Variants in EXOC2 observed in about 807,000 individuals in gnomAD.
The protein encoded by EXOC2 is exocyst complex component 2.
Under a neutral mutation model 131.8 loss-of-function variants are expected in EXOC2, and 70 were observed. The ratio of observed to expected loss-of-function variants is 0.53; its 90% confidence interval spans 0.44 to 0.65. The LOEUF is 0.65. Ranked by LOEUF, EXOC2 falls within the 30% of genes least tolerant of loss-of-function variation. EXOC2 has a pLI of 0.00. For missense variants in EXOC2, 923 were observed against 1,108.6 expected, an observed-to-expected ratio of 0.83 and a Z score of 2.38; for synonymous variants, 411 against 398.4, an observed-to-expected ratio of 1.03 and a Z score of -0.38.
chr6:492,919 T>C (rs1763520326), intron 25 of EXOC2, among the ~76,000 whole-genome samples: 1 of 152,208 alleles, frequency 6.6e-6, no homozygotes, highest in South Asian at 2.1e-4. Context: ...AAATATTTCA[T>C]AAAAGTTTTA....
At chr6:567,976 G>A (rs1021681687) in intron 13 of EXOC2, among the ~76,000 whole-genome samples, 20 of 152,222 alleles carry the variant, frequency 1.3e-4, no homozygotes, top group Non-Finnish European at 7.3e-5. Context: ...AGCAGAGGTT[G>A]GAGAGCTTTG....
chr6:555,953 C>T lies in EXOC2; in HGVS notation c.1992+1G>A. ...TCAGCATTACTGCTTTCTATTATTA[C>T]CTGCATTATATTGATGCTTAGCTGG... On this transcript the variant is annotated splice_donor_variant, in intron 19 of 27. Coordinates refer to ENST00000230449, the MANE Select transcript of EXOC2 (RefSeq NM_018303.6). LOFTEE classifies it high-confidence loss of function. 1 of 1,613,814 alleles carries T rather than the reference C, an allele frequency of 6.2e-7. No homozygotes were observed. Among genetic ancestry groups the T allele is most frequent in the Non-Finnish European group, 8.5e-7 (1 of 1,179,892 alleles).
At chr6:555,078 G>T in intron 20 of EXOC2, 149 bp downstream of exon 20, 1 of 424,202 alleles carries the variant, frequency 2.4e-6, no homozygotes. Flanking sequence ...AAAGAATATA[G>T]GTCGAATATA....
rs148117789 is a variant in EXOC2 at position 603,442 on chromosome 6, T to C, written c.743-4217A>G. On this transcript the variant is annotated intron_variant, in intron 7 of 27. Transcript: ENST00000230449. ...ACTATGCCTGACACTCTGTGTGGAG[T>C]AGATGGAACTGAGGAAAGAGCTGAC... Among the ~76,000 whole-genome samples, 8 of 152,068 alleles carry C rather than the reference T, an allele frequency of 5.3e-5. No individual in the cohort carries two copies. The East Asian group carries it at 1.2e-3, about 22-fold the overall frequency.
intron 4 of EXOC2, among the ~76,000 whole-genome samples, chr6:625,915 C>T (rs781500315): frequency 1.3e-5 from 2 of 150,044 alleles, no homozygotes; most frequent in Non-Finnish European, 3.0e-5. Flanking sequence ...TGCCCCTGCG[C>T]CCATATACAG....
At chr6:638,028 T>A (rs1379123896) in intron 1 of EXOC2, among the ~76,000 whole-genome samples, 167 bp from the exon 2 acceptor site, 1 of 152,144 alleles carries the variant, frequency 6.6e-6, no homozygotes, top group African/African-American at 2.4e-5. Flanking sequence ...TACTGAACAT[T>A]AAGTTACTAA....
chr6:627,996 A>C (rs1345172094), intron 4 of EXOC2, among the ~76,000 whole-genome samples: 1 of 152,252 alleles, frequency 6.6e-6, no homozygotes, highest in African/African-American at 2.4e-5. Context: ...CATTAAACAA[A>C]AACTTTTCCT....
At position 555,291 on chromosome 6, in the gene EXOC2, A is replaced by C; in HGVS notation, c.1993-3T>G. 6.6e-7 allele frequency: 1 copy of C among 1,523,174 alleles called. No individual in the cohort carries two copies. Among genetic ancestry groups the C allele is most frequent in the Non-Finnish European group, 8.9e-7 (1 of 1,120,630 alleles). The allele number at this position is 1,523,174 out of a possible 1,614,324, so 94.4% of individuals were successfully genotyped here. Reference sequence around the variant, plus strand: ...TGTTCCAGACAGTATATAAAAACCTAAGTGAAAACATAAGTTTCAGAACTC... The same window carrying C: ...TGTTCCAGACAGTATATAAAAACCTCAGTGAAAACATAAGTTTCAGAACTC... On this transcript the variant is annotated splice_region_variant and splice_polypyrimidine_tract_variant and intron_variant, in intron 19 of 27. Transcript: ENST00000230449.
chr6:515,142 T>C (rs1408541253), intron 23 of EXOC2, among the ~76,000 whole-genome samples: 1 of 152,188 alleles, frequency 6.6e-6, no homozygotes, highest in Non-Finnish European at 1.5e-5. Context: ...GCAGGAATAC[T>C]TGGAATACAC....
intron 1 of EXOC2, among the ~76,000 whole-genome samples, chr6:665,789 G>A (rs762834583): frequency 6.6e-6 from 1 of 151,970 alleles, no homozygotes; most frequent in Non-Finnish European, 1.5e-5. Flanking sequence ...GGAAGAGGGG[G>A]AGGGGGTTGA....
intron 1 of EXOC2, among the ~76,000 whole-genome samples, chr6:686,705 A>G (rs749622451): frequency 2.0e-5 from 3 of 152,232 alleles, no homozygotes. Flanking sequence ...TTATTCCCCC[A>G]GGAACCATAA....
At chr6:499,023 G>T (rs1208782703) in intron 24 of EXOC2, among the ~76,000 whole-genome samples, 3 of 152,196 alleles carry the variant, frequency 2.0e-5, no homozygotes, top group African/African-American at 7.2e-5. Context: ...CCTCAGAAGA[G>T]TCCTCCTAAC....
intron 10 of EXOC2, among the ~76,000 whole-genome samples, chr6:594,399 C>T (rs1408046593): frequency 6.6e-6 from 1 of 152,194 alleles, no homozygotes; most frequent in Non-Finnish European, 1.5e-5. Flanking sequence ...CCTAAATAGG[C>T]TTGTTTTGCC....
intron 1 of EXOC2, among the ~76,000 whole-genome samples, chr6:690,426 C>T (rs1221249751): frequency 1.3e-5 from 2 of 152,138 alleles, no homozygotes; most frequent in African/African-American, 4.8e-5. Context: ...TTCATAATTT[C>T]CCGGCCCGGC....
chr6:639,615 A>G (rs1158113673), intron 1 of EXOC2, among the ~76,000 whole-genome samples: 1 of 152,190 alleles, frequency 6.6e-6, no homozygotes, highest in Non-Finnish European at 1.5e-5. Flanking sequence ...AAAGATCCTG[A>G]CACCTGAGTG....
At position 629,869 on chromosome 6, in the gene EXOC2, G is replaced by C. The variant is rs752136385; in HGVS notation, c.388C>G (p.Arg130Gly). The change falls in exon 4 of 28, where the codon CGT becomes GGT. Residue 130 changes from arginine (R) to glycine (G), a missense_variant. Transcript: ENST00000230449. ...RNKGIPPLSLRPANPLGIEIE... is the reference protein window; with the variant it reads ...RNKGIPPLSLGPANPLGIEIE... ...TCAATGCCAAGCGGGTTAGCAGGAC[G>C]TAAGGACAAGGGCGGAATTCCTTTG... 1.2e-6 allele frequency: 2 copies of C among 1,614,048 alleles called. No homozygotes were observed. Among genetic ancestry groups the C allele is most frequent in the African/African-American group, 1.3e-5 (1 of 75,042 alleles).
At chr6:649,107 C>T (rs1230979883) in intron 1 of EXOC2, among the ~76,000 whole-genome samples, 1 of 152,138 alleles carries the variant, frequency 6.6e-6, no homozygotes, top group Admixed American at 6.5e-5. Context: ...GCATTACTGC[C>T]TCCAATTTCT....
chr6:620,566 C>T lies in EXOC2; in HGVS notation c.423-1023G>A, dbSNP rs181036330. 9.2e-5 allele frequency among the ~76,000 whole-genome samples: 14 copies of T among 152,250 alleles called. No homozygotes were observed. In the East Asian group the frequency reaches 2.1e-3, roughly 23 times the overall value. On this transcript the variant is annotated intron_variant, in intron 4 of 27. Transcript: ENST00000230449. ...TAGGGTAGTATCTCTTTAACAGTTA[C>T]GCAGTGGGGAAAACACTCCTACCCC...
rs569112904 is a variant in EXOC2 at position 557,498 on chromosome 6, G to A, written c.1852-934C>T. On this transcript the variant is annotated intron_variant, in intron 17 of 27. Coordinates refer to ENST00000230449, the MANE Select transcript of EXOC2 (RefSeq NM_018303.6). ...CCAGGCGTGGTGGCACGCGCCTGTA[G>A]TCCCAGCTACTCGGGAGGCTGAGAC... 3.3e-5 allele frequency among the ~76,000 whole-genome samples: 5 copies of A among 151,322 alleles called. No individual in the cohort carries two copies. In the South Asian group the frequency reaches 6.3e-4, roughly 19 times the overall value.
Sources: gnomAD v4.1 joint callset for allele counts (sites outside exome capture counted in the v4.1 genomes callset) on GRCh38, gnomAD v4.1.1 for gene constraint, MANE v1.5 for transcripts, NCBI Gene and HGNC (gene_info 2026-07-23, HGNC 2026-07-21) for gene names.